The following ANO2 variants were observed in gnomAD, a reference collection of about 807,000 sequenced individuals.
The protein encoded by ANO2 is anoctamin-2.
In ANO2, 101 loss-of-function variants were observed where a neutral mutation model predicts 124.2. That is an observed-to-expected ratio of 0.81 (90% confidence interval 0.69 to 0.96). The LOEUF (loss-of-function observed/expected upper bound fraction) is 0.96. Ranked by LOEUF, ANO2 falls within the 40% of genes least tolerant of loss-of-function variation. The probability of loss-of-function intolerance (pLI) is 0.00; values close to 1 mark genes in which losing one functional copy is unlikely to be tolerated. For missense variants in ANO2, 1,293 were observed against 1,274.5 expected (o/e 1.01, Z -0.22); for synonymous variants, 486 against 482.5 (o/e 1.01, Z -0.09).
intron 20 of ANO2, among the ~76,000 whole-genome samples, chr12:5,581,638 C>G (rs1306085652): frequency 6.6e-6 from 1 of 152,158 alleles, no homozygotes; most frequent in African/African-American, 2.4e-5. Flanking sequence ...TGGCTTGATG[C>G]TCTCTAATAG....
At chr12:5,797,009 T>G (rs1220979732) in intron 10 of ANO2, among the ~76,000 whole-genome samples, 1 of 152,102 alleles carries the variant, frequency 6.6e-6, no homozygotes, top group Non-Finnish European at 1.5e-5. Context: ...AAGAAACGGG[T>G]GGGAAAGACC....
chr12:5,707,221 C>T (rs771036477), intron 14 of ANO2, among the ~76,000 whole-genome samples: 1 of 152,034 alleles, frequency 6.6e-6, no homozygotes, highest in Non-Finnish European at 1.5e-5. Context: ...TCTCTCCTGC[C>T]GCCATATAAG....
rs560584364 is a variant in ANO2 at position 5,914,186 on chromosome 12, T to C, written c.534+6854A>G. 5.7e-4 allele frequency among the ~76,000 whole-genome samples: 81 copies of C among 142,086 alleles called. 1 individual carries two copies. The South Asian group carries it at 0.012, about 21-fold the overall frequency. The allele number at this position is 142,086 out of a possible 152,430, so 93.2% of individuals were successfully genotyped here. A position where few individuals can be genotyped will look rare whatever the true frequency, so the allele number is the denominator to read the frequency against. On this transcript the variant is annotated intron_variant, in intron 3 of 24. Transcript: ENST00000682330. Reference sequence around the variant, plus strand: ...CTGCACTCCAGCCTAGGTGACAGAGTGAGACTCCATCTCAAAAAAGAAAAA... The same window carrying C: ...CTGCACTCCAGCCTAGGTGACAGAGCGAGACTCCATCTCAAAAAAGAAAAA...
intron 14 of ANO2, among the ~76,000 whole-genome samples, chr12:5,721,137 G>A (rs1489743737): frequency 6.6e-6 from 1 of 152,166 alleles, no homozygotes; most frequent in Non-Finnish European, 1.5e-5. Context: ...TAAATACCAA[G>A]GATTTACAAG....
intron 13 of ANO2, chr12:5,739,112 G>C: frequency 2.9e-6 from 2 of 684,042 alleles, no homozygotes; most frequent in Non-Finnish European, 5.4e-6. Context: ...CCAGCTCAAG[G>C]GAAGAGGGGG....
At chr12:5,933,370 G>A (rs73257299) in intron 1 of ANO2, among the ~76,000 whole-genome samples, 7,805 of 152,138 alleles carry the variant, frequency 0.051, 695 homozygotes, top group African/African-American at 0.17. Context: ...CTCTGTTAAC[G>A]AGGTTCACAA....
intron 14 of ANO2, among the ~76,000 whole-genome samples, chr12:5,697,621 GCAGCGCAC>G (rs1318348561): frequency 6.6e-6 from 1 of 152,310 alleles, no homozygotes; most frequent in East Asian, 1.9e-4. Context: ...GACAGTGGGT[GCAGCGCAC>G]CAAGCATGAG....
intron 14 of ANO2, among the ~76,000 whole-genome samples, chr12:5,680,470 T>A (rs1468159201): frequency 2.0e-5 from 3 of 152,032 alleles, no homozygotes; most frequent in Non-Finnish European, 4.4e-5. Flanking sequence ...TTGGTAGGAA[T>A]GGAAGATACT....
chr12:5,567,418 G>A (rs1186677206), intron 23 of ANO2, among the ~76,000 whole-genome samples: 3 of 152,106 alleles, frequency 2.0e-5, no homozygotes, highest in Non-Finnish European at 4.4e-5. Context: ...CAGACAGGAC[G>A]CCATGGCAAC....
At chr12:5,677,397 C>A (rs1948295719) in intron 14 of ANO2, among the ~76,000 whole-genome samples, 1 of 152,188 alleles carries the variant, frequency 6.6e-6, no homozygotes, top group Non-Finnish European at 1.5e-5. Context: ...CCATGTGGAG[C>A]TGATGTCCTC....
chr12:5,805,048 A>G (rs542355445), intron 9 of ANO2, among the ~76,000 whole-genome samples: 1 of 152,286 alleles, frequency 6.6e-6, no homozygotes, highest in African/African-American at 2.4e-5. Flanking sequence ...CACCGAGACT[A>G]TTAGCATCGG....
intron 7 of ANO2, among the ~76,000 whole-genome samples, chr12:5,820,134 A>C (rs142325980): frequency 0.013 from 1,928 of 152,330 alleles, 40 homozygotes; most frequent in Admixed American, 0.049. Context: ...TTACAGACCC[A>C]GAACCCCTTG....
intron 19 of ANO2, among the ~76,000 whole-genome samples, chr12:5,606,716 T>G (rs1250825107): frequency 2.0e-5 from 3 of 152,190 alleles, no homozygotes; most frequent in African/African-American, 7.2e-5. Context: ...TGCTAGATTG[T>G]AAGATTCTCA....
chr12:5,889,954 T>C (rs1240185440), intron 3 of ANO2, among the ~76,000 whole-genome samples: 1 of 152,082 alleles, frequency 6.6e-6, no homozygotes, highest in South Asian at 2.1e-4. Context: ...TCAGAGGCAA[T>C]GTGTCTGTAG....
chr12:5,575,884 C>G lies in ANO2; in HGVS notation c.2571G>C (p.Glu857Asp). Residue 857 changes from glutamate to aspartate, a missense_variant, in exon 23 of 25, where the codon GAG (glutamate) becomes GAC (aspartate). Physicochemically the swap from Glu to Asp is conservative, Grantham distance 45. Coordinates refer to ENST00000682330, the MANE Select transcript of ANO2 (RefSeq NM_001364791.2). ...LSFFNVSQLK[E>D]GTQPENSQFD... Reference sequence around the variant, plus strand: ...ACTGTGAGTTTTCTGGCTGCGTCCCCTCCTTCAGCTGGCTGACGTTGAAAA... The same window carrying G: ...ACTGTGAGTTTTCTGGCTGCGTCCCGTCCTTCAGCTGGCTGACGTTGAAAA... The G allele has an allele frequency of 6.2e-7, 1 of 1,613,872 alleles. No homozygotes were observed. Among genetic ancestry groups the G allele is most frequent in the Non-Finnish European group, 8.5e-7 (1 of 1,179,868 alleles).
chr12:5,896,469 T>C (rs1052227565), intron 3 of ANO2, among the ~76,000 whole-genome samples: 3 of 152,148 alleles, frequency 2.0e-5, no homozygotes, highest in African/African-American at 7.2e-5. Context: ...ACTTATAACA[T>C]TGAAACTCCA....
chr12:5,578,463 C>G lies in ANO2; in HGVS notation c.2289G>C (p.Val763=). The change falls in exon 21 of 25, where the codon GTG becomes GTC. Residue 763 remains valine (V), a synonymous_variant. Transcript: ENST00000682330. ...LFVASFPLAP[V]FALLNNVIEV... ...CAATGACGTTGTTGAGGAGGGCAAA[C>G]ACAGGTGCCAGGGGAAAGGAGGCCA... 6.2e-7 allele frequency: 1 copy of G among 1,613,944 alleles called. No individual in the cohort carries two copies. Among genetic ancestry groups the G allele is most frequent in the Non-Finnish European group, 8.5e-7 (1 of 1,179,850 alleles).
intron 4 of ANO2, 129 bp from the exon 5 acceptor site, chr12:5,832,732 A>C (rs1954196403): frequency 1.8e-6 from 2 of 1,098,304 alleles, no homozygotes; most frequent in Admixed American, 2.8e-5. Context: ...AGACTGGGAG[A>C]AACAAGAAGG....
At chr12:5,939,437 G>C (rs1322281003) in intron 1 of ANO2, among the ~76,000 whole-genome samples, 1 of 152,082 alleles carries the variant, frequency 6.6e-6, no homozygotes, top group Admixed American at 6.6e-5. Flanking sequence ...TCAAAGATGA[G>C]TTAGATCCAT....
Sources: gnomAD v4.1 joint callset for allele counts (sites outside exome capture counted in the v4.1 genomes callset) on GRCh38, gnomAD v4.1.1 for gene constraint, MANE v1.5 for transcripts, NCBI Gene and HGNC (gene_info 2026-07-23, HGNC 2026-07-21) for gene names.